The following COL11A2 variants were observed in gnomAD, a reference collection of about 807,000 sequenced individuals.
The protein encoded by COL11A2 is collagen alpha-2(XI) chain.
In COL11A2, 116 loss-of-function variants were observed where a neutral mutation model predicts 273.4. The ratio of observed to expected loss-of-function variants is 0.42; its 90% CI spans 0.36 to 0.49. The LOEUF (loss-of-function observed/expected upper bound fraction) is 0.49, where lower values mean the gene tolerates loss of function less well. COL11A2 is among the 20% of genes least tolerant of loss of function. The pLI is 0.00. For synonymous variants in COL11A2, 782 were observed against 864.2 expected (o/e 0.90, Z 1.67); for missense variants, 1,866 against 2,309.0 (o/e 0.81, Z 3.93).
chr6:33,180,770 G>C (rs747622216), intron 10 of COL11A2, 40 bp from the exon 11 acceptor site: 1 of 1,599,204 alleles, frequency 6.3e-7, no homozygotes, highest in Non-Finnish European at 8.6e-7. Flanking sequence ...TGGGCATTCA[G>C]ACAGGTGTGG....
rs372696430 is a variant in COL11A2, at chr6:33,177,285, C to T, written c.1972-60G>A. 358 of 1,608,458 alleles carry T rather than the reference C, an allele frequency of 2.2e-4. No homozygotes were observed. The African/African-American group carries it at 4.1e-3, about 19-fold the overall frequency. ...CCAGGGTCTCTTCTATCCAGCCTCC[C>T]GGATTCAAAGCATGAGCAACAAGGG... On this transcript the variant is annotated intron_variant, in intron 23 of 65. Transcript: ENST00000341947. This position sits in a 1 kb window ranked among gnomAD's most constrained non-coding sequence, Gnocchi z 5.9.
At position 33,163,718 on chromosome 6, in the gene COL11A2, C is replaced by T. The variant is rs192022847; in HGVS notation, c.5171G>A (p.Arg1724Gln). ...GACAGGCCCCAGCAGCACCCCTCCC[C>T]GCCTCGGTGGGGCTCCCAGGTCTGA... ...SFSDLGAPPR[R>Q]GGVLLGPVCF... Residue 1724 changes from arginine to glutamine, a missense_variant, in exon 66 of 66, where the codon CGG (arginine) becomes CAG (glutamine). Coordinates refer to ENST00000341947, the MANE Select transcript of COL11A2 (RefSeq NM_080680.3). This position sits in a 1 kb window ranked among gnomAD's most constrained non-coding sequence, Gnocchi z 4.1. The T allele has an allele frequency of 1.5e-5, 24 of 1,613,092 alleles. No individual in the cohort carries two copies. The highest frequency in any genetic ancestry group is 5.3e-5 in the African/African-American group (4 of 75,050).
At position 33,179,623 on chromosome 6, in the gene COL11A2, A is replaced by AAACC; in HGVS notation, c.1446+92_1446+95dup. On this transcript the variant is annotated intron_variant, in intron 13 of 65. Transcript: ENST00000341947. The surrounding 1 kb of genome is among the most constrained non-coding windows in gnomAD (Gnocchi z 6.4). ...TCTCCCCAACCTCCCTGTTAACCCC[A>AAACC]AACCAACCCAGGCCTCCCCTGCCGC... is the stretch of plus-strand genomic sequence containing the variant. 1 of 1,519,022 alleles carries AAACC rather than the reference A, an allele frequency of 6.6e-7. No individual in the cohort carries two copies. The highest frequency in any genetic ancestry group is 9.0e-7 in the Non-Finnish European group (1 of 1,111,662). The allele number at this position is 1,519,022 out of a possible 1,614,324, so 94.1% of individuals were successfully genotyped here. A position where few individuals can be genotyped will look rare whatever the true frequency, so the allele number is the denominator to read the frequency against.
At chr6:33,174,110 C>T in intron 32 of COL11A2, 55 bp from the exon 33 acceptor site, 1 of 1,611,874 alleles carries the variant, frequency 6.2e-7, no homozygotes, top group Non-Finnish European at 8.5e-7. Flanking sequence ...CCCACAGACC[C>T]CCTCTACACC....
chr6:33,174,347 G>T, intron 31 of COL11A2, 129 bp from the exon 32 acceptor site: 1 of 1,411,636 alleles, frequency 7.1e-7, no homozygotes, highest in Non-Finnish European at 9.8e-7. Context: ...AGAACTAAGT[G>T]GCCTTGGACA....
chr6:33,188,319 T>C (rs752935597), intron 4 of COL11A2, 43 bp downstream of exon 4: 5 of 1,611,746 alleles, frequency 3.1e-6, no homozygotes, highest in Admixed American at 1.7e-5. Context: ...GGGCACAAGA[T>C]AGGGGACCAG....
At position 33,171,725 on chromosome 6, in the gene COL11A2, C is replaced by G. The variant is rs773329088; in HGVS notation, c.3138G>C (p.Glu1046Asp). 31 of 1,612,730 alleles carry G rather than the reference C, an allele frequency of 1.9e-5. No homozygotes were observed. Among genetic ancestry groups the G allele is most frequent in the Non-Finnish European group, 2.4e-5 (28 of 1,179,906 alleles). Residue 1046 changes from glutamate (E) to aspartate (D), a missense_variant, in exon 42 of 66, where the codon GAG (glutamate) becomes GAC (aspartate). Glu to Asp is a conservative substitution (Grantham distance 45). Coordinates refer to ENST00000341947, the MANE Select transcript of COL11A2 (RefSeq NM_080680.3). ...GPQGPPGAAG[E>D]KGVPGEKGPI... ...CCCCCACACTCACTGGGACACCTTT[C>G]TCTCCTGCTGCTCCAGGGGGACCCT...
At position 33,163,813 on chromosome 6, in the gene COL11A2, C is replaced by A; in HGVS notation, c.5076G>T (p.Gln1692His). 1 of 1,612,990 alleles carries A rather than the reference C, an allele frequency of 6.2e-7. No individual in the cohort carries two copies. The highest frequency in any genetic ancestry group is 8.5e-7 in the Non-Finnish European group (1 of 1,179,972). Residue 1692 changes from glutamine (Q) to histidine (H), a missense_variant, in exon 66 of 66, where the codon CAG becomes CAT. Coordinates refer to ENST00000341947, the MANE Select transcript of COL11A2 (RefSeq NM_080680.3). This position sits in a 1 kb window ranked among gnomAD's most constrained non-coding sequence, Gnocchi z 4.1. ...GCACCTCCAGCACCGTCCGGCCTTG[C>A]TGTGTCTTCAGGGGGAGACAAGGAA... ...VKEFRDGCQT[Q>H]QGRTVLEVRT...
Position 33,165,029 on chromosome 6 carries a change from C to T in COL11A2, c.4751-65G>A. ...TCCAGGCTCCAAGATGCTCTTTGCC[C>T]CCACATTCCCTCTTCCCTCCCAGCC... On this transcript the variant is annotated intron_variant, in intron 63 of 65. Coordinates refer to ENST00000341947, the MANE Select transcript of COL11A2 (RefSeq NM_080680.3). This position sits in a 1 kb window ranked among gnomAD's most constrained non-coding sequence, Gnocchi z 7.7. The T allele has an allele frequency of 8.0e-7, 1 of 1,242,656 alleles. No individual in the cohort carries two copies. The highest frequency in any genetic ancestry group is 1.2e-6 in the Non-Finnish European group (1 of 867,514). 77.0% of individuals were successfully genotyped at this position (1,242,656 alleles called of 1,614,324 possible).
At position 33,173,589 on chromosome 6, in the gene COL11A2, G is replaced by A. The variant is rs1355326519; in HGVS notation, c.2629-34C>T. On this transcript the variant is annotated intron_variant, in intron 35 of 65. Coordinates refer to ENST00000341947, the MANE Select transcript of COL11A2 (RefSeq NM_080680.3). This position sits in a 1 kb window ranked among gnomAD's most constrained non-coding sequence, Gnocchi z 6.3. ...AGAGGTGGGGGGAGTCAGGAGAATG[G>A]GGGCAGGGGCTGAGTGGGGGAACTC... 9.2e-7 allele frequency: 1 copy of A among 1,088,294 alleles called. No individual in the cohort carries two copies. Among genetic ancestry groups the A allele is most frequent in the Non-Finnish European group, 1.3e-6 (1 of 747,184 alleles). 67.4% of individuals were successfully genotyped at this position (1,088,294 alleles called of 1,614,324 possible).
rs760491598 is a variant in COL11A2 at position 33,166,244 on chromosome 6, G to C, written c.4393-38C>G. ...GAACAAGAAAGAGACGGTCACTGCA[G>C]GGGAAGGACAGGACTCAGAGGAGCG... On this transcript the variant is annotated intron_variant, in intron 60 of 65. Coordinates refer to ENST00000341947, the MANE Select transcript of COL11A2 (RefSeq NM_080680.3). This position sits in a 1 kb window ranked among gnomAD's most constrained non-coding sequence, Gnocchi z 4.8. 6.3e-7 allele frequency: 1 copy of C among 1,583,790 alleles called. No homozygotes were observed. The highest frequency in any genetic ancestry group is 8.6e-7 in the Non-Finnish European group (1 of 1,165,550).
chr6:33,174,450 C>A lies in COL11A2; in HGVS notation c.2430+77G>T, dbSNP rs1006079552. On this transcript the variant is annotated intron_variant, in intron 31 of 65. Coordinates refer to ENST00000341947, the MANE Select transcript of COL11A2 (RefSeq NM_080680.3). The stretch of plus-strand genomic sequence containing the variant: ...GGTCCCCCACTGCCCTGCATCTGTG[C>A]TTTCTGGAATCAGGGATCAGGGAAG... The A allele has an allele frequency of 7.5e-5, 118 of 1,569,992 alleles. No homozygotes were observed. In the Middle Eastern group the frequency reaches 1.2e-3, roughly 15 times the overall value.
Position 33,180,714 on chromosome 6 carries a change from G to A in COL11A2, c.1238C>T (p.Pro413Leu). ...TGGGCCTGGGTTCCCCTGGATGCCA[G>A]GGGGACCAATCAATCCCTGAGGAAC... ...PEGPAGLIGPPGIQGNPGPVG... is the reference protein window; with the variant it reads ...PEGPAGLIGPLGIQGNPGPVG... Residue 413 changes from proline (P) to leucine (L), a missense_variant, in exon 11 of 66, where the codon CCT (proline) becomes CTT (leucine). By Grantham distance (98) the Pro-to-Leu change is moderately conservative (BLOSUM62 -3). Transcript: ENST00000341947. 1.2e-6 allele frequency: 2 copies of A among 1,611,246 alleles called. No homozygotes were observed. The highest frequency in any genetic ancestry group is 1.7e-6 in the Non-Finnish European group (2 of 1,179,178).
Position 33,167,808 on chromosome 6 carries a change from C to T in COL11A2, c.4005G>A (p.Lys1335=). The T allele has an allele frequency of 6.2e-7, 1 of 1,612,828 alleles. No individual in the cohort carries two copies. The highest frequency in any genetic ancestry group is 1.7e-5 in the Admixed American group (1 of 59,998). ...GCAGCCTGTCCCTCACCTTGGCTCC[C>T]TTCCCTCCTTGTCGCCCCTCGGAAC... The part of the protein sequence containing the change: ...SPGSEGRQGG[K]GAKGDPGAIG... Residue 1335 remains lysine (K), a synonymous_variant, in exon 55 of 66, where the codon AAG becomes AAA. Coordinates refer to ENST00000341947, the MANE Select transcript of COL11A2 (RefSeq NM_080680.3). This position sits in a 1 kb window ranked among gnomAD's most constrained non-coding sequence, Gnocchi z 6.1.
In COL11A2 at chr6:33,173,801, A is replaced by G. The variant is rs1770495815; in HGVS notation, c.2584-56T>C. The G allele has an allele frequency of 1.2e-6, 2 of 1,608,760 alleles. No individual in the cohort carries two copies. The highest frequency in any genetic ancestry group is 2.7e-5 in the African/African-American group (2 of 74,708). ...AAGAGCTGCTTTCCAGCTGTCCCCG[A>G]GGTCAGGATGTTGAGGGAGAGCTGG... is the stretch of plus-strand genomic sequence containing the variant. On this transcript the variant is annotated intron_variant, in intron 34 of 65. Coordinates refer to ENST00000341947, the MANE Select transcript of COL11A2 (RefSeq NM_080680.3). This position sits in a 1 kb window ranked among gnomAD's most constrained non-coding sequence, Gnocchi z 6.3.
At chr6:33,191,827 C>T (rs1773146795) in intron 1 of COL11A2, among the ~76,000 whole-genome samples, 1 of 152,234 alleles carries the variant, frequency 6.6e-6, no homozygotes, top group South Asian at 2.1e-4. Context: ...GTCTACCATC[C>T]CCACACCAGC....
At chr6:33,181,698 C>T (rs1001611833) in intron 8 of COL11A2, among the ~76,000 whole-genome samples, 1 of 151,934 alleles carries the variant, frequency 6.6e-6, no homozygotes, top group Non-Finnish European at 1.5e-5. Context: ...GTTGGCCAGG[C>T]TGGTCTCAAA....
rs750861509 is a variant in COL11A2, at chr6:33,164,261, T to A, written c.5070+6A>T. ...CAGCCCCCAACCCAGCTCTTCCTGT[T>A]CCCACCTGGCAGCCATCTCTGAATT... On this transcript the variant is annotated splice_donor_region_variant and intron_variant, in intron 65 of 65. Transcript: ENST00000341947. The surrounding 1 kb of genome is among the most constrained non-coding windows in gnomAD (Gnocchi z 4.7). 14 of 1,612,848 alleles carry A rather than the reference T, an allele frequency of 8.7e-6. No homozygotes were observed. In the East Asian group the frequency reaches 3.1e-4, roughly 36 times the overall value.
Position 33,192,430 on chromosome 6 carries a change from C to A in COL11A2, c.-190G>T. The A allele has an allele frequency of 4.8e-6, 3 of 624,412 alleles. No homozygotes were observed. The highest frequency in any genetic ancestry group is 3.7e-5 in the South Asian group (2 of 53,738). 38.7% of individuals were successfully genotyped at this position (624,412 alleles called of 1,614,324 possible). ...TGCAGCAAGGCGCCGTCGGGGCTCC[C>A]GGCACTGCTCCCTCCTCGGTGGCTG... is the stretch of plus-strand genomic sequence containing the variant. On this transcript the variant is annotated 5_prime_UTR_variant, in exon 1 of 66. Transcript: ENST00000341947.
Sources: gnomAD v4.1 joint callset for allele counts (sites outside exome capture counted in the v4.1 genomes callset) on GRCh38, gnomAD v4.1.1 for gene constraint, Gnocchi (gnomAD v3.1) non-coding constraint, MANE v1.5 for transcripts, NCBI Gene and HGNC (gene_info 2026-07-23, HGNC 2026-07-21) for gene names.